ABCC1: variants seen among roughly 807,000 people sequenced by gnomAD.
ABCC1 encodes the protein ATP binding cassette subfamily C member 1 (ABCC1 blood group).
In ABCC1, 83 loss-of-function variants were observed where a neutral mutation model predicts 172.9. The observed-to-expected ratio is 0.48, with a 90% CI of 0.40 to 0.58. ABCC1 has a LOEUF of 0.58. ABCC1 is among the 20% of genes least tolerant of loss of function. The probability of loss-of-function intolerance (pLI) is 0.00; values close to 1 mark genes in which losing one functional copy is unlikely to be tolerated. For synonymous variants in ABCC1, 937 were observed against 825.2 expected, an observed-to-expected ratio of 1.14 and a Z score of -2.32; for missense variants, 1,817 against 2,002.7, an observed-to-expected ratio of 0.91 and a Z score of 1.77.
At chr16:15,949,486 G>C (rs1170094731), upstream of ABCC1, 3 of 146,800 alleles carry the variant, frequency 2.0e-5, no homozygotes, top group African/African-American at 7.5e-5. Flanking sequence ...TGGCTGGTCC[G>C]GCTGCCCACG....
In ABCC1 at chr16:15,996,709, G is replaced by A. The variant is rs146896315; in HGVS notation, c.49-11107G>A. 2.4e-4 allele frequency among the ~76,000 whole-genome samples: 36 copies of A among 152,200 alleles called. 1 individual carries two copies. Among genetic ancestry groups the A allele is most frequent in the Admixed American group, 1.2e-3 (19 of 15,270 alleles). On this transcript the variant is annotated intron_variant, in intron 1 of 30. Transcript: ENST00000399410. ...GTGCAGAACCTGTGCCATCCAGATG[G>A]GAGCAGTAAGGGTGTAGGGCAAAGT...
intron 1 of ABCC1, among the ~76,000 whole-genome samples, chr16:16,003,640 G>GTGGA (rs2047404051): frequency 6.8e-6 from 1 of 146,372 alleles, no homozygotes; most frequent in East Asian, 2.0e-4. Flanking sequence ...TGGTGGGTGG[G>GTGGA]TGGATGGATG....
intron 23 of ABCC1, among the ~76,000 whole-genome samples, chr16:16,118,687 G>T (rs376589174): frequency 6.6e-6 from 1 of 151,678 alleles, no homozygotes; most frequent in African/African-American, 2.4e-5. Context: ...TTTAGCAAAG[G>T]ACCAAGTTCT....
chr16:15,968,963 G>A (rs1345972296), intron 1 of ABCC1, among the ~76,000 whole-genome samples: 3 of 151,522 alleles, frequency 2.0e-5, no homozygotes, highest in Non-Finnish European at 4.4e-5. Context: ...ATCTCAGTAC[G>A]TTGAGAGGCC....
At chr16:16,027,745 C>A (rs1293382042) in intron 5 of ABCC1, among the ~76,000 whole-genome samples, 1 of 151,946 alleles carries the variant, frequency 6.6e-6, no homozygotes, top group Non-Finnish European at 1.5e-5. Context: ...CCTGGGAGGT[C>A]GAGGCTGCAA....
At chr16:15,986,415 C>T (rs893193654) in intron 1 of ABCC1, among the ~76,000 whole-genome samples, 32 of 152,122 alleles carry the variant, frequency 2.1e-4, no homozygotes, top group African/African-American at 7.2e-4. Context: ...AGCTGAGTGG[C>T]GGGCAAGCCA....
chr16:15,998,897 T>C (rs1000312178), intron 1 of ABCC1, among the ~76,000 whole-genome samples: 4 of 152,228 alleles, frequency 2.6e-5, no homozygotes, highest in African/African-American at 9.6e-5. Context: ...CTACGGTTTA[T>C]TGTCTCTAGA....
At chr16:16,106,947 A>G in intron 21 of ABCC1, 74 bp downstream of exon 21, 2 of 1,581,596 alleles carry the variant, frequency 1.3e-6, no homozygotes, top group South Asian at 1.1e-5. Context: ...GCACTGTGCA[A>G]AGTGCCTTGT....
At chr16:15,954,336 C>A (rs960694478) in intron 1 of ABCC1, among the ~76,000 whole-genome samples, 7 of 152,144 alleles carry the variant, frequency 4.6e-5, no homozygotes, top group Admixed American at 3.9e-4. Flanking sequence ...AGCCTGTTTT[C>A]CCCCTTTTTG....
intron 18 of ABCC1, among the ~76,000 whole-genome samples, chr16:16,089,714 C>T (rs1227941470): frequency 2.6e-5 from 4 of 151,834 alleles, no homozygotes; most frequent in African/African-American, 9.7e-5. Flanking sequence ...TACTAAAATA[C>T]AACAACAAAA....
At chr16:16,124,349 GATTATAGGAGTGACCCACTACGCCCGGC>G (rs1227976615) in intron 24 of ABCC1, among the ~76,000 whole-genome samples, 1,833 of 111,644 alleles carry the variant, frequency 0.016, 69 homozygotes, top group African/African-American at 0.025. Flanking sequence ...GTGTGTGTGT[GATTATAGGAGTGACCCACTACGCCCGGC>G]TGTGTGTGTG....
chr16:16,056,259 C>G lies in ABCC1; in HGVS notation c.1641C>G (p.Ala547=). ...KVLKKSAYLS[A]VGTFTWVCTP... ...TGAAGAAGTCTGCCTACCTGTCAGC[C>G]GTGGGCACCTTCACCTGGGTCTGCA... Residue 547 remains alanine, a synonymous_variant, in exon 12 of 31, where the codon GCC becomes GCG. Coordinates refer to ENST00000399410, the MANE Select transcript of ABCC1 (RefSeq NM_004996.4). 9 of 1,614,224 alleles carry G rather than the reference C, an allele frequency of 5.6e-6. No homozygotes were observed. The highest frequency in any genetic ancestry group is 7.6e-6 in the Non-Finnish European group (9 of 1,180,040).
chr16:16,010,348 G>T (rs1487551492), intron 3 of ABCC1, among the ~76,000 whole-genome samples: 1 of 152,176 alleles, frequency 6.6e-6, no homozygotes, highest in Non-Finnish European at 1.5e-5. Flanking sequence ...AGCCCCAGCT[G>T]CAGTCTTTGG....
At chr16:16,077,258 T>G (rs2050611254) in intron 15 of ABCC1, among the ~76,000 whole-genome samples, 2 of 152,194 alleles carry the variant, frequency 1.3e-5, no homozygotes, top group African/African-American at 4.8e-5. Context: ...TATTTTATGA[T>G]GAAGGAGAGA....
At position 16,111,682 on chromosome 16, in the gene ABCC1, C is replaced by A. The variant is rs2052396813; in HGVS notation, c.3079+100C>A. 3.5e-6 allele frequency: 4 copies of A among 1,149,498 alleles called. No homozygotes were observed. The Admixed American group carries it at 9.7e-5, about 28-fold the overall frequency. 71.2% of individuals were successfully genotyped at this position (1,149,498 alleles called of 1,614,324 possible). A position where few individuals can be genotyped will look rare whatever the true frequency, so the allele number is the denominator to read the frequency against. ...TTAGAGTCCTCAGCGTTTTGTGGGA[C>A]CCCAAACCAAGCCAAACCCAGAAAA... On this transcript the variant is annotated intron_variant, in intron 22 of 30. Transcript: ENST00000399410.
chr16:16,133,919 C>T (rs920688649), intron 27 of ABCC1, among the ~76,000 whole-genome samples: 2 of 152,046 alleles, frequency 1.3e-5, no homozygotes, highest in South Asian at 2.1e-4. Context: ...AGCAAAGGGC[C>T]GGAAGATCTG....
At chr16:16,072,912 G>A (rs2050406186) in intron 14 of ABCC1, among the ~76,000 whole-genome samples, 2 of 151,372 alleles carry the variant, frequency 1.3e-5, no homozygotes. Flanking sequence ...CATGGTGTTG[G>A]GCACCTGTAA....
intron 5 of ABCC1, among the ~76,000 whole-genome samples, chr16:16,030,151 C>T (rs11642957): frequency 0.4 from 61,276 of 152,044 alleles, 13,967 homozygotes; most frequent in Non-Finnish European, 0.52. Flanking sequence ...GCTTTTTCTG[C>T]GTTCAAACAA....
In ABCC1 at chr16:16,017,563, C is replaced by G. The variant is rs45464796; in HGVS notation, c.615+942C>G. ...TTAGCTATTCCTCCTGATGTTCTCC[C>G]TACACCTGCTCCCCAACTTGGCTTA... On this transcript the variant is annotated intron_variant, in intron 5 of 30. Coordinates refer to ENST00000399410, the MANE Select transcript of ABCC1 (RefSeq NM_004996.4). Among the ~76,000 whole-genome samples, 867 of 152,170 alleles carry G rather than the reference C, an allele frequency of 5.7e-3. 10 individuals are homozygous for G. Among genetic ancestry groups the G allele is most frequent in the African/African-American group, 0.02 (828 of 41,518 alleles).
Sources: allele counts gnomAD v4.1 joint callset (sites outside exome capture counted in the v4.1 genomes callset), GRCh38; gene constraint gnomAD v4.1.1; transcripts MANE v1.5; gene names NCBI Gene and HGNC (gene_info 2026-07-23, HGNC 2026-07-21).